RPL9: variants seen among roughly 807,000 people sequenced by gnomAD.
The protein encoded by RPL9 is ribosomal protein L9, also known as large ribosomal subunit protein uL6.
For missense variants in RPL9, 149 were observed against 236.7 expected, an observed-to-expected ratio of 0.63 and a Z score of 2.43; for synonymous variants, 82 against 77.1, an observed-to-expected ratio of 1.06 and a Z score of -0.33.
Position 39,458,383 on chromosome 4 carries a change from A to C in RPL9, c.46+11T>G. 1 of 1,614,194 alleles carries C rather than the reference A, an allele frequency of 6.2e-7. No individual in the cohort carries two copies. Among genetic ancestry groups the C allele is most frequent in the Non-Finnish European group, 8.5e-7 (1 of 1,179,988 alleles). On this transcript the variant is annotated intron_variant, in intron 2 of 7. Coordinates refer to ENST00000295955, the MANE Select transcript of RPL9 (RefSeq NM_000661.5). Reference sequence around the variant, plus strand: ...AGTAAAGATGTAAGTAAAAGACATCAAGTCTCATACCATTTTCTGGAATGT... The same window carrying C: ...AGTAAAGATGTAAGTAAAAGACATCCAGTCTCATACCATTTTCTGGAATGT...
chr4:39,454,813 A>G, intron 6 of RPL9, 51 bp downstream of exon 6: 2 of 1,576,220 alleles, frequency 1.3e-6, no homozygotes, highest in Non-Finnish European at 1.7e-6. Context: ...ATTTTAAACA[A>G]GATTTAGACA....
At chr4:39,457,967 C>A in intron 3 of RPL9, 1 of 679,640 alleles carries the variant, frequency 1.5e-6, no homozygotes, top group South Asian at 1.6e-5. Flanking sequence ...ACTTCTAACA[C>A]CATTAAGACG....
chr4:39,458,587 G>GT (rs1744235408), intron 1 of RPL9, 147 bp from the exon 2 acceptor site: 1 of 769,312 alleles, frequency 1.3e-6, no homozygotes, highest in Non-Finnish European at 2.1e-6. Flanking sequence ...GCGGGCCCCA[G>GT]TGTGTCCCAG....
intron 5 of RPL9, 199 bp downstream of exon 5, chr4:39,456,207 G>A: frequency 1.6e-6 from 1 of 613,622 alleles, no homozygotes; most frequent in Non-Finnish European, 2.9e-6. Flanking sequence ...TTCTGAAATT[G>A]TAATCGACAT....
At chr4:39,456,188 G>GT in intron 5 of RPL9, 1 of 574,842 alleles carries the variant, frequency 1.7e-6, no homozygotes, top group Non-Finnish European at 3.2e-6. Context: ...CTACTCCAAT[G>GT]TATCAACTTT....
chr4:39,457,501 T>A (rs940365236), intron 4 of RPL9, 85 bp downstream of exon 4: 1 of 1,154,130 alleles, frequency 8.7e-7, no homozygotes. Flanking sequence ...TGACCCATTC[T>A]CTGAAAGAGA....
At chr4:39,457,522 G>A (rs1198057338) in intron 4 of RPL9, 64 bp downstream of exon 4, 3 of 1,318,268 alleles carry the variant, frequency 2.3e-6, no homozygotes, top group Non-Finnish European at 3.3e-6. Context: ...CACTTACGCT[G>A]TATAAAGCAC....
intron 5 of RPL9, chr4:39,455,333 G>T: frequency 6.2e-6 from 1 of 161,164 alleles, no homozygotes; most frequent in Non-Finnish European, 1.4e-5. Context: ...ACCATAGCTA[G>T]TATCAGAGTA....
intron 3 of RPL9, chr4:39,457,960 T>C: frequency 1.5e-6 from 1 of 662,452 alleles, no homozygotes; most frequent in South Asian, 1.6e-5. Flanking sequence ...AAACCAAACT[T>C]CTAACACCAT....
intron 6 of RPL9, 85 bp downstream of exon 6, chr4:39,454,779 A>C: frequency 6.7e-7 from 1 of 1,488,432 alleles, no homozygotes; most frequent in Non-Finnish European, 9.2e-7. Context: ...AAAGCTAATC[A>C]AATAAAAATT....
At chr4:39,456,353 G>A (rs1744084771) in intron 5 of RPL9, 53 bp downstream of exon 5, 1 of 1,608,384 alleles carries the variant, frequency 6.2e-7, no homozygotes, top group East Asian at 2.2e-5. Context: ...GGAAAAGGAG[G>A]AAAAAAATAT....
At chr4:39,458,500 C>G in intron 1 of RPL9, 60 bp from the exon 2 acceptor site, 1 of 1,557,738 alleles carries the variant, frequency 6.4e-7, no homozygotes, top group Non-Finnish European at 8.8e-7. Context: ...CCAAACTACG[C>G]CGCACAGAGC....
chr4:39,458,111 A>T (rs764893942), intron 3 of RPL9, 83 bp downstream of exon 3: 96 of 1,389,248 alleles, frequency 6.9e-5, no homozygotes, highest in Non-Finnish European at 9.2e-5. Flanking sequence ...CCTTAATTCG[A>T]AAATTGTTAA....
At chr4:39,457,838 G>T in intron 3 of RPL9, 157 bp from the exon 4 acceptor site, 2 of 671,778 alleles carry the variant, frequency 3.0e-6, no homozygotes, top group Non-Finnish European at 5.1e-6. Flanking sequence ...CCTCCCAACA[G>T]TTAAGCTTTG....
Position 39,454,532 on chromosome 4 carries a change from CCT to C in RPL9, c.*9_*10del, listed in dbSNP as rs762889419. On this transcript the variant is annotated splice_region_variant and 3_prime_UTR_variant, in exon 7 of 8. Transcript: ENST00000295955. The stretch of plus-strand genomic sequence containing the variant: ...AAACTTAAGACACTGTAAGAACTTA[CCT>C]CTTAGATCTTATTCATCAGCCTGCT... 26 of 1,598,792 alleles carry C rather than the reference CCT, an allele frequency of 1.6e-5. No homozygotes were observed. In the Admixed American group the frequency reaches 3.2e-4, roughly 20 times the overall value.
chr4:39,456,510 T>A lies in RPL9; in HGVS notation c.287A>T (p.Tyr96Phe). The change falls in exon 5 of 8, where the codon TAT becomes TTT. Residue 96 changes from tyrosine (Y) to phenylalanine (F), a missense_variant. By Grantham distance (22) the Tyr-to-Phe change is conservative (BLOSUM62 3). Coordinates refer to ENST00000295955, the MANE Select transcript of RPL9 (RefSeq NM_000661.5). ...LGFRYKMRSV[Y>F]AHFPINVVIQ... ...AACAACGTTGATGGGGAAGTGAGCATACACAGACCTCATCTTGTAACGGAA... is the reference window on the plus strand; with the variant it reads ...AACAACGTTGATGGGGAAGTGAGCAAACACAGACCTCATCTTGTAACGGAA... 1 of 1,614,036 alleles carries A rather than the reference T, an allele frequency of 6.2e-7. No individual in the cohort carries two copies. Among genetic ancestry groups the A allele is most frequent in the Non-Finnish European group, 8.5e-7 (1 of 1,179,914 alleles).
rs779498261 is a variant in RPL9 at position 39,457,580 on chromosome 4, G to A, written c.258+6C>T. 2 of 1,610,164 alleles carry A rather than the reference G, an allele frequency of 1.2e-6. No individual in the cohort carries two copies. The highest frequency in any genetic ancestry group is 2.2e-5 in the South Asian group (2 of 90,978). ...CAAAACAAGGAAGTCTGATACATCT[G>A]CTTACCAGTGTAACACCCTTGATCA... On this transcript the variant is annotated splice_donor_region_variant and intron_variant, in intron 4 of 7. Transcript: ENST00000295955.
chr4:39,454,797 T>C, intron 6 of RPL9, 67 bp downstream of exon 6: 2 of 1,538,140 alleles, frequency 1.3e-6, no homozygotes, highest in Admixed American at 1.9e-5. Context: ...ATTAGCAAAA[T>C]ACTGTATTTT....
chr4:39,458,212 A>T lies in RPL9; in HGVS notation c.144T>A (p.Leu48=). 1 of 1,614,086 alleles carries T rather than the reference A, an allele frequency of 6.2e-7. No individual in the cohort carries two copies. The highest frequency in any genetic ancestry group is 8.5e-7 in the Non-Finnish European group (1 of 1,179,992). The change falls in exon 3 of 8, where the codon CTT becomes CTA. Residue 48 remains leucine, a synonymous_variant. Transcript: ENST00000295955. ...FNHINVELSL[L]GKKKKRLRVD... is the part of the protein sequence containing the mutation. The stretch of plus-strand genomic sequence containing the variant: ...CCCTCACCCTCTTTTTTTTCTTTCC[A>T]AGAAGGCTGAGTTCTACATTGATGT...
Sources: gnomAD v4.1 joint callset for allele counts on GRCh38, gnomAD v4.1.1 for gene constraint, MANE v1.5 for transcripts, NCBI Gene and HGNC (gene_info 2026-07-23, HGNC 2026-07-21) for gene names.